CAST: variants seen among roughly 807,000 people sequenced by gnomAD.
The protein encoded by CAST is calpastatin.
In CAST, 76 loss-of-function variants were observed where a neutral mutation model predicts 119.6. The ratio of observed to expected loss-of-function variants is 0.64; its 90% CI spans 0.53 to 0.77. The LOEUF (loss-of-function observed/expected upper bound fraction) is 0.77, where lower values mean the gene tolerates loss of function less well. CAST is among the 30% of genes least tolerant of loss of function. CAST has a pLI of 0.00. For synonymous variants in CAST, 319 were observed against 331.6 expected (o/e 0.96, Z 0.41); for missense variants, 953 against 946.5 (o/e 1.01, Z -0.09).
chr5:96,363,187 G>T, the CAST span, among the ~76,000 whole-genome samples: 9 of 149,062 alleles, frequency 6.0e-5, no homozygotes, highest in South Asian at 1.5e-3. Flanking sequence ...CTGTTCCATT[G>T]GTCTATATCT....
intron 1 of CAST, among the ~76,000 whole-genome samples, chr5:96,613,254 T>C (rs72772031): frequency 0.035 from 5,322 of 152,290 alleles, 130 homozygotes; most frequent in African/African-American, 0.067. Context: ...TAATTTGAAT[T>C]GCATTAGAAT....
At chr5:96,763,043 T>C (rs147152947) in intron 25 of CAST, 3 of 740,158 alleles carry the variant, frequency 4.1e-6, no homozygotes, top group Non-Finnish European at 7.5e-6. Context: ...TATAAAGGGA[T>C]TGCCCTAAAC....
the CAST span, among the ~76,000 whole-genome samples, chr5:96,036,077 T>TA: frequency 6.8e-3 from 978 of 143,240 alleles, 11 homozygotes; most frequent in African/African-American, 0.022. Flanking sequence ...TATTTTCAGT[T>TA]AAAAAAAAAA....
chr5:96,701,266 A>G (rs1753858935), intron 3 of CAST, among the ~76,000 whole-genome samples: 1 of 151,862 alleles, frequency 6.6e-6, no homozygotes, highest in East Asian at 1.9e-4. Flanking sequence ...ACTCATCTGT[A>G]CTCATCAGGA....
chr5:96,481,968 G>A, the CAST span, among the ~76,000 whole-genome samples: 5 of 152,050 alleles, frequency 3.3e-5, no homozygotes, highest in African/African-American at 9.7e-5. Context: ...ATGAAGCCTC[G>A]TTTTAAATTA....
At chr5:96,562,606 T>C (rs560160467) in intron 1 of CAST, among the ~76,000 whole-genome samples, 50 of 152,314 alleles carry the variant, frequency 3.3e-4, no homozygotes, top group African/African-American at 1.1e-3. Flanking sequence ...ACACACACTA[T>C]TTTACTCAGC....
chr5:96,194,649 T>C, the CAST span, among the ~76,000 whole-genome samples: 1 of 152,162 alleles, frequency 6.6e-6, no homozygotes, highest in African/African-American at 2.4e-5. Context: ...AAAAAAGAAA[T>C]TAAATTTAAA....
the CAST span, among the ~76,000 whole-genome samples, chr5:96,118,112 T>G: frequency 6.6e-6 from 1 of 152,224 alleles, no homozygotes; most frequent in Non-Finnish European, 1.5e-5. Context: ...TTACATGAGT[T>G]GAATCTCTGA....
At chr5:96,748,313 T>G (rs1243579871) in intron 18 of CAST, among the ~76,000 whole-genome samples, 1 of 152,240 alleles carries the variant, frequency 6.6e-6, no homozygotes, top group Non-Finnish European at 1.5e-5. Context: ...ACTTTGGTCC[T>G]GAGGTGTTTA....
chr5:96,765,559 G>A (rs113045069), intron 26 of CAST, among the ~76,000 whole-genome samples: 3 of 152,112 alleles, frequency 2.0e-5, no homozygotes, highest in Admixed American at 6.5e-5. Flanking sequence ...GTAGGTGTGG[G>A]GTATGCATGG....
intron 16 of CAST, chr5:96,743,479 C>G (rs1763102373): frequency 8.7e-7 from 1 of 1,147,658 alleles, no homozygotes; most frequent in African/African-American, 1.6e-5. Flanking sequence ...CCCGCCCCAC[C>G]TCCATCAGCT....
chr5:96,716,347 G>A (rs958587233), intron 3 of CAST, among the ~76,000 whole-genome samples: 4 of 152,116 alleles, frequency 2.6e-5, no homozygotes, highest in Admixed American at 6.6e-5. Flanking sequence ...TTTAAATTGC[G>A]TTATTCTAAT....
the CAST span, among the ~76,000 whole-genome samples, chr5:96,074,936 T>C: frequency 6.6e-6 from 1 of 152,198 alleles, no homozygotes; most frequent in South Asian, 2.1e-4. Context: ...AATAAACCAG[T>C]GGAAACTTAG....
At chr5:96,552,037 CG>C (rs1746140595) in intron 1 of CAST, among the ~76,000 whole-genome samples, 1 of 152,058 alleles carries the variant, frequency 6.6e-6, no homozygotes, top group Non-Finnish European at 1.5e-5. Flanking sequence ...GGGATATCCA[CG>C]ACTTGAACTC....
At chr5:96,462,413 T>A in the CAST span, among the ~76,000 whole-genome samples, 4 of 152,206 alleles carry the variant, frequency 2.6e-5, no homozygotes, top group African/African-American at 7.2e-5. Context: ...AAATAGTACC[T>A]CTCCTCTACA....
At chr5:96,397,918 AATTT>A in the CAST span, among the ~76,000 whole-genome samples, 1 of 151,904 alleles carries the variant, frequency 6.6e-6, no homozygotes, top group Non-Finnish European at 1.5e-5. Context: ...ATTATTATTT[AATTT>A]ATTATGCAAT....
intron 1 of CAST, among the ~76,000 whole-genome samples, chr5:96,601,811 T>G (rs1306574531): frequency 2.0e-5 from 3 of 152,192 alleles, no homozygotes; most frequent in African/African-American, 4.8e-5. Context: ...TAATTAAAAT[T>G]TTTGTACATT....
the CAST span, among the ~76,000 whole-genome samples, chr5:96,443,411 C>T: frequency 1.3e-5 from 2 of 152,196 alleles, no homozygotes; most frequent in Non-Finnish European, 2.9e-5. Flanking sequence ...ACAGTTTCTA[C>T]ATCCTGCCCC....
At chr5:96,737,474 C>T (rs1021565182) in intron 10 of CAST, among the ~76,000 whole-genome samples, 1 of 152,152 alleles carries the variant, frequency 6.6e-6, no homozygotes, top group African/African-American at 2.4e-5. Context: ...TTTCCCTTAT[C>T]GCTTAGAGCA....
Sources: allele counts gnomAD v4.1 joint callset (sites outside exome capture counted in the v4.1 genomes callset), GRCh38; gene constraint gnomAD v4.1.1; transcripts MANE v1.5; gene names NCBI Gene and HGNC (gene_info 2026-07-23, HGNC 2026-07-21).